MOB3B: variants seen among roughly 807,000 people sequenced by gnomAD.
MOB3B encodes the protein MOB kinase activator 3B, also known as MOB kinase activator-like 2B.
Under a neutral mutation model 18.7 loss-of-function variants are expected in MOB3B, and 7 were observed. The ratio of observed to expected loss-of-function variants is 0.37; its 90% CI spans 0.21 to 0.70. MOB3B has a LOEUF of 0.70. MOB3B is among the 30% of genes least tolerant of loss of function. The pLI, the probability that MOB3B is intolerant of heterozygous loss-of-function variation, is 0.52. For synonymous variants in MOB3B, 111 were observed against 99.9 expected, an observed-to-expected ratio of 1.11 and a Z score of -0.66; for missense variants, 253 against 281.3, an observed-to-expected ratio of 0.90 and a Z score of 0.72.
chr9:27,511,862 A>G (rs1820151645), intron 1 of MOB3B, among the ~76,000 whole-genome samples: 1 of 152,146 alleles, frequency 6.6e-6, no homozygotes, highest in South Asian at 2.1e-4. Context: ...TGTTTTTCTA[A>G]ATAGATCAGA....
intron 1 of MOB3B, among the ~76,000 whole-genome samples, chr9:27,488,097 A>G (rs1211448210): frequency 6.6e-6 from 1 of 152,154 alleles, no homozygotes; most frequent in South Asian, 2.1e-4. Context: ...TTCAGCCTCA[A>G]ACCTGCCCTA....
At chr9:27,379,458 A>G (rs1821542505) in intron 2 of MOB3B, among the ~76,000 whole-genome samples, 1 of 152,156 alleles carries the variant, frequency 6.6e-6, no homozygotes, top group Non-Finnish European at 1.5e-5. Flanking sequence ...TACCTCACTG[A>G]GTCCTCACCA....
At chr9:27,399,721 C>T (rs537616706) in intron 2 of MOB3B, among the ~76,000 whole-genome samples, 79 of 152,280 alleles carry the variant, frequency 5.2e-4, no homozygotes, top group Non-Finnish European at 1.1e-3. Context: ...AACCTCTTTT[C>T]CAAGCCTCAG....
intron 2 of MOB3B, among the ~76,000 whole-genome samples, chr9:27,375,705 C>A (rs571447753): frequency 6.6e-6 from 1 of 152,250 alleles, no homozygotes; most frequent in African/African-American, 2.4e-5. Context: ...TTAGAAGAAC[C>A]ACCTTGCAGA....
chr9:27,403,516 A>ATTTTTC (rs1821916743), intron 2 of MOB3B, among the ~76,000 whole-genome samples: 6 of 79,626 alleles, frequency 7.5e-5, no homozygotes, highest in Admixed American at 6.9e-4. Context: ...CTCTTTACTA[A>ATTTTTC]TTTTTTTTTT....
At chr9:27,361,240 G>A (rs139576235) in intron 2 of MOB3B, among the ~76,000 whole-genome samples, 5 of 152,230 alleles carry the variant, frequency 3.3e-5, no homozygotes, top group South Asian at 2.1e-4. Flanking sequence ...CTAAAAAGTG[G>A]TAGGGCTGGG....
chr9:27,430,292 T>C (rs1822398989), intron 2 of MOB3B, among the ~76,000 whole-genome samples: 2 of 152,172 alleles, frequency 1.3e-5, no homozygotes, highest in Non-Finnish European at 2.9e-5. Flanking sequence ...CAGCCTCTCA[T>C]GGTCTTTGAT....
At chr9:27,341,887 C>G (rs1230797107) in intron 3 of MOB3B, among the ~76,000 whole-genome samples, 4 of 152,096 alleles carry the variant, frequency 2.6e-5, no homozygotes, top group Non-Finnish European at 5.9e-5. Flanking sequence ...ATATCAGGGA[C>G]CAGAAAATGA....
intron 1 of MOB3B, among the ~76,000 whole-genome samples, chr9:27,473,497 T>C (rs1036823649): frequency 2.6e-5 from 4 of 152,012 alleles, no homozygotes; most frequent in African/African-American, 4.8e-5. Context: ...GAGGGACCTG[T>C]TGCCCTGAGA....
chr9:27,340,256 A>G (rs1398895920), intron 3 of MOB3B, among the ~76,000 whole-genome samples: 4 of 152,230 alleles, frequency 2.6e-5, no homozygotes, highest in Non-Finnish European at 4.4e-5. Context: ...ATACATATGT[A>G]TGGCTAGATA....
At chr9:27,505,108 A>C (rs1820040354) in intron 1 of MOB3B, among the ~76,000 whole-genome samples, 1 of 152,232 alleles carries the variant, frequency 6.6e-6, no homozygotes, top group African/African-American at 2.4e-5. Context: ...TTGGCATGTA[A>C]GATAACATAT....
chr9:27,373,848 C>T (rs550665713), intron 2 of MOB3B, among the ~76,000 whole-genome samples: 1 of 152,284 alleles, frequency 6.6e-6, no homozygotes, highest in Admixed American at 6.5e-5. Context: ...TTGAATTTGG[C>T]CAAAAGCCGC....
At chr9:27,529,093 C>A (rs911468854) in intron 1 of MOB3B, among the ~76,000 whole-genome samples, 8 of 152,166 alleles carry the variant, frequency 5.3e-5, no homozygotes, top group Non-Finnish European at 7.4e-5. Context: ...GAGACTCCTC[C>A]CTCAGGATCA....
chr9:27,418,282 C>T (rs1822186165), intron 2 of MOB3B, among the ~76,000 whole-genome samples: 1 of 151,926 alleles, frequency 6.6e-6, no homozygotes, highest in African/African-American at 2.4e-5. Context: ...TGGTACAAAT[C>T]CTTTTGACAC....
chr9:27,425,815 G>A (rs899414891), intron 2 of MOB3B, among the ~76,000 whole-genome samples: 2 of 152,144 alleles, frequency 1.3e-5, no homozygotes, highest in East Asian at 1.9e-4. Context: ...CCCTCCCCAA[G>A]GTATTTCCAA....
At chr9:27,443,278 G>A (rs1044000668) in intron 2 of MOB3B, among the ~76,000 whole-genome samples, 1 of 152,106 alleles carries the variant, frequency 6.6e-6, no homozygotes, top group African/African-American at 2.4e-5. Context: ...TTGACACCAA[G>A]CTCAACAGTC....
chr9:27,515,898 C>G (rs1820225077), intron 1 of MOB3B, among the ~76,000 whole-genome samples: 1 of 152,098 alleles, frequency 6.6e-6, no homozygotes, highest in Admixed American at 6.5e-5. Flanking sequence ...TATTTGGAAA[C>G]AAAAGACTTT....
chr9:27,370,313 G>A (rs893306836), intron 2 of MOB3B, among the ~76,000 whole-genome samples: 20 of 151,950 alleles, frequency 1.3e-4, no homozygotes, highest in Admixed American at 2.0e-4. Flanking sequence ...ATTCAAGACC[G>A]GCCTGACCAA....
At chr9:27,525,440 C>T (rs905272410) in intron 1 of MOB3B, among the ~76,000 whole-genome samples, 2 of 152,170 alleles carry the variant, frequency 1.3e-5, no homozygotes, top group African/African-American at 4.8e-5. Flanking sequence ...TGCATTTTCC[C>T]CCTCCTGCTC....
Sources: allele counts gnomAD v4.1 joint callset (sites outside exome capture counted in the v4.1 genomes callset), GRCh38; gene constraint gnomAD v4.1.1; transcripts MANE v1.5; gene names NCBI Gene and HGNC (gene_info 2026-07-23, HGNC 2026-07-21).